The following PBRM1 variants were observed in gnomAD, a reference collection of about 807,000 sequenced individuals.
PBRM1 encodes protein polybromo-1.
PBRM1 carries 27 observed loss-of-function variants against 194.5 expected under a neutral mutation model. The observed-to-expected ratio is 0.14, with a 90% CI of 0.10 to 0.19. The LOEUF is 0.19. PBRM1 is among the 10% of genes least tolerant of loss of function. The pLI is 1.00. For missense variants in PBRM1, 1,466 were observed against 2,077.2 expected, an observed-to-expected ratio of 0.71 and a Z score of 5.72; for synonymous variants, 655 against 693.2, an observed-to-expected ratio of 0.94 and a Z score of 0.87.
chr3:52,586,872 C>T (rs928894073), intron 19 of PBRM1, among the ~76,000 whole-genome samples, 184 bp from the exon 22 acceptor site: 1 of 151,560 alleles, frequency 6.6e-6, no homozygotes, highest in Non-Finnish European at 1.5e-5. Context: ...TCTTTGGCTA[C>T]GGAATGGACT....
chr3:52,597,983 C>CGTGAGCCACTGCACCCTGCCAATT (rs2093698910), intron 17 of PBRM1, among the ~76,000 whole-genome samples: 1 of 152,130 alleles, frequency 6.6e-6, no homozygotes, highest in African/African-American at 2.4e-5. Flanking sequence ...GGATTACAGG[C>CGTGAGCCACTGCACCCTGCCAATT]GTGAGCCACT....
intron 22 of PBRM1, among the ~76,000 whole-genome samples, chr3:52,574,656 C>T (rs74489188): frequency 0.033 from 4,995 of 152,176 alleles, 121 homozygotes; most frequent in South Asian, 0.082. Flanking sequence ...CTAAGAAGGC[C>T]CTAAGATCTC....
intron 6 of PBRM1, among the ~76,000 whole-genome samples, chr3:52,651,089 T>A (rs2096480710): frequency 6.6e-6 from 1 of 152,194 alleles, no homozygotes. Flanking sequence ...TTTTCTAACT[T>A]GTAAAATGGG....
intron 4 of PBRM1, among the ~76,000 whole-genome samples, chr3:52,659,208 C>A (rs1322681722): frequency 1.3e-5 from 2 of 152,086 alleles, no homozygotes; most frequent in Admixed American, 1.3e-4. Flanking sequence ...AGTATATGCC[C>A]CAAAGAGTAC....
chr3:52,666,866 T>C (rs1434952777), intron 3 of PBRM1, among the ~76,000 whole-genome samples: 1 of 145,560 alleles, frequency 6.9e-6, no homozygotes, highest in Non-Finnish European at 1.5e-5. Context: ...CACTCCAGCC[T>C]GGGCAACAAA....
upstream of PBRM1, among the ~76,000 whole-genome samples, chr3:52,684,460 C>T (rs994089925): frequency 4.6e-5 from 7 of 152,010 alleles, no homozygotes; most frequent in African/African-American, 1.5e-4. Flanking sequence ...CAATACAATA[C>T]ATGTTTAAAA....
At chr3:52,586,669 G>A (rs2153776883) in exon 20 of PBRM1, 2 of 1,602,572 alleles carry the variant, frequency 1.2e-6, no homozygotes, top group Non-Finnish European at 1.7e-6. Flanking sequence ...GAAGTTTTCT[G>A]GGCATAACTT....
intron 22 of PBRM1, among the ~76,000 whole-genome samples, chr3:52,570,194 C>G (rs984761567): frequency 1.3e-5 from 2 of 152,212 alleles, no homozygotes; most frequent in African/African-American, 4.8e-5. Context: ...CCAGGCTGGT[C>G]TCGAATTCCT....
chr3:52,678,632 A>C (rs759400506), intron 1 of PBRM1, 35 bp from the exon 3 acceptor site: 1 of 1,348,280 alleles, frequency 7.4e-7, no homozygotes, highest in South Asian at 1.2e-5. Flanking sequence ...AATCACTAAA[A>C]AAGTGAACAG....
chr3:52,643,628 T>C (rs1250066721), intron 8 of PBRM1, among the ~76,000 whole-genome samples: 4 of 152,040 alleles, frequency 2.6e-5, no homozygotes, highest in African/African-American at 9.7e-5. Flanking sequence ...CACCCAACCT[T>C]CCCATTTCAG....
intron 17 of PBRM1, among the ~76,000 whole-genome samples, chr3:52,602,387 A>T (rs2094065048): frequency 6.6e-6 from 1 of 152,104 alleles, no homozygotes; most frequent in Non-Finnish European, 1.5e-5. Flanking sequence ...GTGCTGACAG[A>T]TCTGTGTATA....
chr3:52,648,153 C>T (rs752221775), intron 7 of PBRM1, among the ~76,000 whole-genome samples, 191 bp downstream of exon 8: 1 of 152,144 alleles, frequency 6.6e-6, no homozygotes, highest in African/African-American at 2.4e-5. Context: ...GTGATCCACC[C>T]ACCTAGGCTT....
At chr3:52,589,545 T>C (rs1177646984) in intron 17 of PBRM1, among the ~76,000 whole-genome samples, 1 of 152,210 alleles carries the variant, frequency 6.6e-6, no homozygotes, top group East Asian at 1.9e-4. Context: ...TATGGACATT[T>C]TGGATAATAT....
chr3:52,568,681 T>C (rs1310219480), intron 22 of PBRM1, among the ~76,000 whole-genome samples: 1 of 152,224 alleles, frequency 6.6e-6, no homozygotes, highest in African/African-American at 2.4e-5. Context: ...GGTTATTGAA[T>C]TTCCAAACAC....
At chr3:52,574,986 GAC>G (rs2088958050) in intron 22 of PBRM1, among the ~76,000 whole-genome samples, 1 of 151,506 alleles carries the variant, frequency 6.6e-6, no homozygotes, top group African/African-American at 2.4e-5. Flanking sequence ...CTGCAGCCTC[GAC>G]CTCCCTGGGC....
chr3:52,574,291 C>T (rs1020873598), intron 22 of PBRM1, among the ~76,000 whole-genome samples: 18 of 152,146 alleles, frequency 1.2e-4, no homozygotes, highest in African/African-American at 4.1e-4. Context: ...TTACATGAGC[C>T]CTTTTTATAA....
At chr3:52,619,999 C>A (rs2095196375) in intron 13 of PBRM1, among the ~76,000 whole-genome samples, 1 of 152,154 alleles carries the variant, frequency 6.6e-6, no homozygotes, top group African/African-American at 2.4e-5. Flanking sequence ...TTTCTCCCCT[C>A]AGCACTTTTT....
chr3:52,554,781 GC>G lies in PBRM1; in HGVS notation c.4551del (p.Pro1518LeufsTer21), dbSNP rs1559827261. The G allele has an allele frequency of 6.3e-7, 1 of 1,583,962 alleles. No homozygotes were observed. Among genetic ancestry groups the G allele is most frequent in the Admixed American group, 1.9e-5 (1 of 52,456 alleles). ...CCTGGCGGAAGATGGTGGGGTGGAG[GC>G]CCCCCAGGGTGAAGTGGCTGCATGC... On this transcript the variant is annotated frameshift_variant, in exon 27 of 30. Coordinates refer to ENST00000296302, the Ensembl canonical transcript of PBRM1. LOFTEE classifies it high-confidence loss of function.
intron 3 of PBRM1, among the ~76,000 whole-genome samples, chr3:52,664,743 A>G (rs1464658165): frequency 1.3e-5 from 2 of 151,994 alleles, no homozygotes; most frequent in African/African-American, 4.8e-5. Context: ...CAAAAAAAAA[A>G]AGAAAAAAAA....
Sources: allele counts gnomAD v4.1 joint callset (sites outside exome capture counted in the v4.1 genomes callset), GRCh38; gene constraint gnomAD v4.1.1; transcripts MANE v1.5; gene names NCBI Gene and HGNC (gene_info 2026-07-23, HGNC 2026-07-21).